SCFD2: variants seen among roughly 807,000 people sequenced by gnomAD.
The protein encoded by SCFD2 is sec1 family domain-containing protein 2.
In SCFD2, 54 loss-of-function variants were observed where a neutral mutation model predicts 58.9. That is an observed-to-expected ratio of 0.92 (90% CI 0.74 to 1.15). SCFD2 has a LOEUF of 1.15. SCFD2 is among the 50% of genes most tolerant of loss of function. The pLI is 0.00. For synonymous variants in SCFD2, 321 were observed against 335.9 expected, an observed-to-expected ratio of 0.96 and a Z score of 0.49; for missense variants, 805 against 836.6, an observed-to-expected ratio of 0.96 and a Z score of 0.47.
At chr4:53,042,773 T>C (rs1722932380) in intron 5 of SCFD2, among the ~76,000 whole-genome samples, 1 of 152,114 alleles carries the variant, frequency 6.6e-6, no homozygotes. Context: ...CCAAGTGAAG[T>C]AACAAAACGG....
In SCFD2 at chr4:53,008,848, C is replaced by T. The variant is rs538418497; in HGVS notation, c.1562-87978G>A. On this transcript the variant is annotated intron_variant, in intron 5 of 8. Coordinates refer to ENST00000401642, the MANE Select transcript of SCFD2 (RefSeq NM_152540.4). ...TTCAATAGAAGTACTTTCCAATTGT[C>T]TATAATCTCACTATCATGCAGAACG... Among the ~76,000 whole-genome samples the T allele has an allele frequency of 2.6e-5, 4 of 152,318 alleles. No homozygotes were observed. The East Asian group carries it at 7.7e-4, about 29-fold the overall frequency.
At chr4:53,161,591 T>A (rs1418418643) in intron 4 of SCFD2, among the ~76,000 whole-genome samples, 1 of 152,166 alleles carries the variant, frequency 6.6e-6, no homozygotes. Context: ...TTTTTTCCCA[T>A]CTCTCGGGAA....
chr4:53,165,708 C>T (rs1266188456), intron 4 of SCFD2, among the ~76,000 whole-genome samples: 1 of 152,196 alleles, frequency 6.6e-6, no homozygotes, highest in East Asian at 1.9e-4. Flanking sequence ...TCTGATTTCA[C>T]TAAAACACTC....
intron 1 of SCFD2, among the ~76,000 whole-genome samples, chr4:53,358,866 G>C (rs1734472160): frequency 6.6e-6 from 1 of 152,130 alleles, no homozygotes; most frequent in Admixed American, 6.5e-5. Context: ...CCAAACTCTG[G>C]GTAGTCTGGA....
chr4:53,137,583 A>T (rs1986548), intron 5 of SCFD2, among the ~76,000 whole-genome samples: 57,694 of 152,078 alleles, frequency 0.38, 11,356 homozygotes, highest in Non-Finnish European at 0.43. Flanking sequence ...TACAGTTCTT[A>T]GGGTATTATC....
intron 4 of SCFD2, among the ~76,000 whole-genome samples, chr4:53,177,599 G>A (rs767607649): frequency 3.9e-5 from 6 of 152,206 alleles, no homozygotes; most frequent in African/African-American, 7.2e-5. Context: ...TGCAGAAAAC[G>A]GGTGATTTCT....
intron 5 of SCFD2, among the ~76,000 whole-genome samples, chr4:53,080,380 ATATTTTGG>A (rs553563919): frequency 8.5e-5 from 13 of 152,174 alleles, no homozygotes; most frequent in Non-Finnish European, 1.5e-4. Context: ...GTTTTATAGG[ATATTTTGG>A]TATAATTAGA....
In SCFD2 at chr4:53,352,610, A is replaced by G. The variant is rs777914191; in HGVS notation, c.995T>C (p.Leu332Pro). The G allele has an allele frequency of 1.2e-6, 2 of 1,613,066 alleles. No individual in the cohort carries two copies. The highest frequency in any genetic ancestry group is 4.5e-5 in the East Asian group (2 of 44,874). The change falls in exon 2 of 9, where the codon CTT becomes CCT. Residue 332 changes from leucine to proline, a missense_variant. Coordinates refer to ENST00000401642, the MANE Select transcript of SCFD2 (RefSeq NM_152540.4). Reference sequence around the variant, plus strand: ...CTATATATCTTACCTGGATTGTGAAAGACAGCCTGGTGCAACCACATTATA... The same window carrying G: ...CTATATATCTTACCTGGATTGTGAAGGACAGCCTGGTGCAACCACATTATA... ...ENYNVVAPGCLSQSSDTTAKA... is the reference protein window; with the variant it reads ...ENYNVVAPGCPSQSSDTTAKA...
At chr4:53,328,791 T>C (rs544211722) in intron 2 of SCFD2, among the ~76,000 whole-genome samples, 8 of 151,952 alleles carry the variant, frequency 5.3e-5, no homozygotes, top group South Asian at 2.1e-4. Context: ...CCAGCGTGAG[T>C]GACGCAGAAG....
Position 53,338,398 on chromosome 4 carries a change from C to G in SCFD2, c.1007+14200G>C, listed in dbSNP as rs1366487795. Among the ~76,000 whole-genome samples, 4 of 151,964 alleles carry G rather than the reference C, an allele frequency of 2.6e-5. No homozygotes were observed. In the South Asian group the frequency reaches 8.3e-4, roughly 32 times the overall value. On this transcript the variant is annotated intron_variant, in intron 2 of 8. Coordinates refer to ENST00000401642, the MANE Select transcript of SCFD2 (RefSeq NM_152540.4). ...CTAAATAAACCCCAAACAGAATAAA[C>G]CCAAGGAAATATACACCAACACACA...
chr4:53,320,250 G>A (rs1287957748), intron 2 of SCFD2, among the ~76,000 whole-genome samples: 3 of 152,194 alleles, frequency 2.0e-5, no homozygotes, highest in African/African-American at 7.2e-5. Flanking sequence ...ATTCTACACT[G>A]TTCTGTAAAA....
intron 5 of SCFD2, among the ~76,000 whole-genome samples, chr4:52,966,757 A>G (rs557425181): frequency 4.6e-5 from 7 of 152,178 alleles, no homozygotes; most frequent in Non-Finnish European, 1.0e-4. Flanking sequence ...TTTTACTATT[A>G]GTGAACCAAT....
intron 5 of SCFD2, among the ~76,000 whole-genome samples, chr4:52,997,378 A>G (rs959239509): frequency 6.6e-6 from 1 of 152,218 alleles, no homozygotes; most frequent in Non-Finnish European, 1.5e-5. Context: ...GTTAGGGGCA[A>G]CTGGAACTTT....
chr4:53,221,625 T>C (rs1325901420), intron 4 of SCFD2, among the ~76,000 whole-genome samples: 2 of 152,232 alleles, frequency 1.3e-5, no homozygotes, highest in African/African-American at 4.8e-5. Context: ...ATACAATTTT[T>C]AGAATATGAT....
intron 5 of SCFD2, among the ~76,000 whole-genome samples, chr4:53,012,359 C>CTT (rs747171501): frequency 2.2e-5 from 3 of 133,870 alleles, no homozygotes; most frequent in African/African-American, 3.3e-5. Context: ...CTCTCTTTCT[C>CTT]TCTCTCTCTC....
intron 4 of SCFD2, among the ~76,000 whole-genome samples, chr4:53,192,271 G>A (rs1402696459): frequency 2.0e-5 from 3 of 152,124 alleles, no homozygotes; most frequent in Non-Finnish European, 4.4e-5. Flanking sequence ...GCCTGGCCAG[G>A]GAAGGGTTGA....
intron 5 of SCFD2, among the ~76,000 whole-genome samples, chr4:53,041,857 T>A (rs1307178196): frequency 6.6e-6 from 1 of 152,160 alleles, no homozygotes; most frequent in Non-Finnish European, 1.5e-5. Flanking sequence ...CCAGAGTGTA[T>A]CCACTTCTTC....
At chr4:53,344,650 T>C (rs1050968104) in intron 2 of SCFD2, among the ~76,000 whole-genome samples, 4 of 152,318 alleles carry the variant, frequency 2.6e-5, no homozygotes, top group Non-Finnish European at 1.5e-5. Flanking sequence ...AAGACAATCC[T>C]AAGCAAACAG....
chr4:52,948,467 A>G (rs1720499085), intron 5 of SCFD2: 1 of 454,780 alleles, frequency 2.2e-6, no homozygotes, highest in African/African-American at 2.0e-5. Flanking sequence ...CTGTAAAGGG[A>G]GATAACTACA....
Sources: gnomAD v4.1 joint callset for allele counts (sites outside exome capture counted in the v4.1 genomes callset) on GRCh38, gnomAD v4.1.1 for gene constraint, MANE v1.5 for transcripts, NCBI Gene and HGNC (gene_info 2026-07-23, HGNC 2026-07-21) for gene names.